UBR3: variants seen among roughly 807,000 people sequenced by gnomAD.
The protein encoded by UBR3 is ubiquitin protein ligase E3 component n-recognin 3.
A neutral mutation model predicts 243.2 loss-of-function variants in UBR3; 85 were observed. The ratio of observed to expected loss-of-function variants is 0.35; its 90% CI spans 0.29 to 0.42. UBR3 has a LOEUF of 0.42. Ranked by LOEUF, UBR3 falls within the 10% of genes least tolerant of loss-of-function variation. UBR3 has a pLI of 1.00. For synonymous variants in UBR3, 748 were observed against 799.8 expected, an observed-to-expected ratio of 0.94 and a Z score of 1.09; for missense variants, 1,686 against 2,300.8, an observed-to-expected ratio of 0.73 and a Z score of 5.47.
At chr2:170,017,546 GACA>G (rs2090278881) in intron 30 of UBR3, among the ~76,000 whole-genome samples, 1 of 125,756 alleles carries the variant, frequency 8.0e-6, no homozygotes, top group African/African-American at 3.4e-5. Context: ...CACACACACA[GACA>G]CACACACACA....
chr2:169,959,599 A>T (rs2105368221), intron 24 of UBR3, among the ~76,000 whole-genome samples: 1 of 152,232 alleles, frequency 6.6e-6, no homozygotes, highest in African/African-American at 2.4e-5. Flanking sequence ...ATATGTATAT[A>T]TGAAAGGGAG....
At chr2:169,848,735 T>C (rs916369249) in intron 1 of UBR3, among the ~76,000 whole-genome samples, 1 of 151,290 alleles carries the variant, frequency 6.6e-6, no homozygotes, top group Non-Finnish European at 1.5e-5. Context: ...AGACAAAGAA[T>C]TCTGTTGCCC....
intron 31 of UBR3, among the ~76,000 whole-genome samples, chr2:170,037,864 C>T (rs1007885004): frequency 3.3e-5 from 5 of 151,928 alleles, no homozygotes; most frequent in East Asian, 3.9e-4. Context: ...GTTAATTATG[C>T]GTTCTTAGTA....
chr2:169,965,315 TC>T (rs1405926947), intron 24 of UBR3, among the ~76,000 whole-genome samples: 1 of 152,160 alleles, frequency 6.6e-6, no homozygotes, highest in African/African-American at 2.4e-5. Flanking sequence ...TTTGTCAAAT[TC>T]CTTTTTTTGT....
chr2:169,992,868 C>A (rs570114054), intron 25 of UBR3, among the ~76,000 whole-genome samples: 20 of 152,154 alleles, frequency 1.3e-4, no homozygotes, highest in Non-Finnish European at 2.1e-4. Context: ...TCAAGCAATT[C>A]TCATGCCTTA....
intron 24 of UBR3, among the ~76,000 whole-genome samples, chr2:169,983,726 A>AT (rs1258817659): frequency 5.3e-5 from 8 of 152,330 alleles, no homozygotes; most frequent in African/African-American, 1.9e-4. Flanking sequence ...GCTAAGTGTA[A>AT]TAGCATTCAG....
chr2:170,069,902 C>G (rs571200609), intron 35 of UBR3, among the ~76,000 whole-genome samples: 1 of 151,978 alleles, frequency 6.6e-6, no homozygotes, highest in African/African-American at 2.4e-5. Flanking sequence ...TGCACACCCT[C>G]CCATATATTT....
chr2:169,924,762 T>C lies in UBR3; in HGVS notation c.2022+589T>C, dbSNP rs116968106. ...AATTATGACTGCTTGAAGCCAGGTG[T>C]GGTGGCTCACGCCTGTAATTCCAGC... is the stretch of plus-strand genomic sequence containing the variant. On this transcript the variant is annotated intron_variant, in intron 13 of 38. Coordinates refer to ENST00000272793, the MANE Select transcript of UBR3 (RefSeq NM_172070.4). Among the ~76,000 whole-genome samples, 27 of 152,184 alleles carry C rather than the reference T, an allele frequency of 1.8e-4. No individual in the cohort carries two copies. The East Asian group carries it at 5.2e-3, about 29-fold the overall frequency.
At chr2:169,863,493 G>C (rs1574072229) in intron 1 of UBR3, among the ~76,000 whole-genome samples, 1 of 152,076 alleles carries the variant, frequency 6.6e-6, no homozygotes, top group East Asian at 1.9e-4. Flanking sequence ...CCCCACTAAG[G>C]ACTATTTAAC....
intron 6 of UBR3, among the ~76,000 whole-genome samples, chr2:169,894,717 A>G (rs532530668): frequency 6.6e-5 from 10 of 152,282 alleles, no homozygotes; most frequent in African/African-American, 2.4e-4. Flanking sequence ...AAAAAACTCT[A>G]CAAGGTTATC....
At chr2:169,923,325 C>T (rs188012890) in intron 11 of UBR3, among the ~76,000 whole-genome samples, 5 of 152,244 alleles carry the variant, frequency 3.3e-5, no homozygotes, top group Non-Finnish European at 5.9e-5. Flanking sequence ...TTGAATATGA[C>T]AGTGGAGTCC....
intron 1 of UBR3, among the ~76,000 whole-genome samples, chr2:169,845,523 TCGTCG>T (rs2082442674): frequency 7.2e-6 from 1 of 139,608 alleles, no homozygotes; most frequent in African/African-American, 2.5e-5. Context: ...GTCGTCGTCG[TCGTCG>T]TCGTCTTCTT....
rs553224057 is a variant in UBR3, at chr2:170,028,264, G to A, written c.4454-1082G>A. Reference sequence around the variant, plus strand: ...TTCCCAAAATACTATACACATACACGCATGTACACATAAACACACATGTAC... The same window carrying A: ...TTCCCAAAATACTATACACATACACACATGTACACATAAACACACATGTAC... On this transcript the variant is annotated intron_variant, in intron 30 of 38. Transcript: ENST00000272793. Among the ~76,000 whole-genome samples, 40 of 151,562 alleles carry A rather than the reference G, an allele frequency of 2.6e-4. 1 individual carries two copies. The South Asian group carries it at 6.5e-3, about 24-fold the overall frequency.
chr2:169,958,635 G>C, intron 24 of UBR3, 109 bp downstream of exon 24: 1 of 928,562 alleles, frequency 1.1e-6, no homozygotes, highest in Middle Eastern at 2.3e-4. Flanking sequence ...TTGATTTCTA[G>C]TGTTTATTTG....
intron 32 of UBR3, among the ~76,000 whole-genome samples, chr2:170,050,387 A>G (rs1002192132): frequency 1.3e-5 from 2 of 152,210 alleles, no homozygotes; most frequent in Non-Finnish European, 2.9e-5. Context: ...ACAAAAAATT[A>G]TCATGGTGAT....
chr2:169,940,450 C>T (rs955821503), intron 19 of UBR3, among the ~76,000 whole-genome samples: 2 of 152,074 alleles, frequency 1.3e-5, no homozygotes, highest in Non-Finnish European at 2.9e-5. Context: ...GTTTTATTTG[C>T]TATGTGACAA....
At chr2:169,994,579 A>C in intron 26 of UBR3, 123 bp downstream of exon 26, 4 of 1,080,402 alleles carry the variant, frequency 3.7e-6, no homozygotes, top group Non-Finnish European at 5.3e-6. Context: ...TATTAGAAAA[A>C]AATTAATATG....
intron 22 of UBR3, among the ~76,000 whole-genome samples, chr2:169,948,885 G>A (rs1020333057): frequency 1.3e-5 from 2 of 151,428 alleles, no homozygotes; most frequent in Non-Finnish European, 3.0e-5. Flanking sequence ...TTTAGGAGAT[G>A]AATTATTGAG....
At chr2:170,041,835 A>G (rs1354452776) in intron 32 of UBR3, among the ~76,000 whole-genome samples, 1 of 152,256 alleles carries the variant, frequency 6.6e-6, no homozygotes, top group East Asian at 1.9e-4. Context: ...TTAAAAATAC[A>G]TAGGCAAATT....
Sources: gnomAD v4.1 joint callset for allele counts (sites outside exome capture counted in the v4.1 genomes callset) on GRCh38, gnomAD v4.1.1 for gene constraint, MANE v1.5 for transcripts, NCBI Gene and HGNC (gene_info 2026-07-23, HGNC 2026-07-21) for gene names.